The following NELL2 variants were observed in gnomAD, a reference collection of about 807,000 sequenced individuals.
NELL2 encodes the protein neural EGFL like 2, also known as protein kinase C-binding protein NELL2.
In NELL2, 41 loss-of-function variants were observed where a neutral mutation model predicts 109.6. That is an observed-to-expected ratio of 0.37 (90% CI 0.29 to 0.49). The LOEUF is 0.49. Among genes scored for constraint, NELL2 ranks in the 20% least tolerant of loss-of-function variants. The pLI, the probability that NELL2 is intolerant of heterozygous loss-of-function variation, is 0.98. For synonymous variants in NELL2, 355 were observed against 344.7 expected, an observed-to-expected ratio of 1.03 and a Z score of -0.33; for missense variants, 900 against 1,008.3, an observed-to-expected ratio of 0.89 and a Z score of 1.45.
intron 15 of NELL2, among the ~76,000 whole-genome samples, chr12:44,556,735 C>T (rs935073942): frequency 6.6e-6 from 1 of 152,140 alleles, no homozygotes; most frequent in Non-Finnish European, 1.5e-5. Context: ...TAACAGAGGT[C>T]CTGTACTCTG....
intron 16 of NELL2, among the ~76,000 whole-genome samples, chr12:44,531,147 C>T (rs543926066): frequency 6.6e-6 from 1 of 152,100 alleles, no homozygotes; most frequent in South Asian, 2.1e-4. Flanking sequence ...CATAGGTAAC[C>T]CCTAGAGGAT....
Position 44,787,770 on chromosome 12 carries a change from A to T in NELL2, c.336-7748T>A, listed in dbSNP as rs111739365. On this transcript the variant is annotated intron_variant, in intron 3 of 19. Transcript: ENST00000429094. The stretch of plus-strand genomic sequence containing the variant: ...TCCAAATGTTAAGGGAAAAAAAAAA[A>T]TTTTAACTTCAGTCTCACACTTCAT... 7.3e-3 allele frequency among the ~76,000 whole-genome samples: 1,083 copies of T among 148,294 alleles called. 18 individuals are homozygous for T. Among genetic ancestry groups the T allele is most frequent in the African/African-American group, 0.021 (856 of 40,314 alleles).
intron 2 of NELL2, among the ~76,000 whole-genome samples, chr12:44,842,499 A>G (rs1944258869): frequency 6.6e-6 from 1 of 152,244 alleles, no homozygotes; most frequent in South Asian, 2.1e-4. Context: ...TTCTAGAAGA[A>G]AGCACAGGAG....
At chr12:44,878,494 A>G (rs1472842647), upstream of NELL2, among the ~76,000 whole-genome samples, 1 of 152,092 alleles carries the variant, frequency 6.6e-6, no homozygotes, top group East Asian at 1.9e-4. Context: ...ATAATTCTTT[A>G]TTGGGGCTGT....
At chr12:44,713,209 C>G (rs61932409) in intron 10 of NELL2, among the ~76,000 whole-genome samples, 14 of 118,208 alleles carry the variant, frequency 1.2e-4, no homozygotes, top group African/African-American at 4.9e-4. Context: ...CACACACACA[C>G]ACACACAGAG....
At chr12:44,832,261 T>C (rs1943911984) in intron 2 of NELL2, among the ~76,000 whole-genome samples, 1 of 152,194 alleles carries the variant, frequency 6.6e-6, no homozygotes, top group South Asian at 2.1e-4. Flanking sequence ...AAAGAAATTC[T>C]TTATGTCTTT....
At chr12:44,717,248 T>C (rs978468524) in intron 9 of NELL2, among the ~76,000 whole-genome samples, 1 of 152,146 alleles carries the variant, frequency 6.6e-6, no homozygotes, top group Admixed American at 6.6e-5. Context: ...CTAAAAACAC[T>C]GCAAGGAATC....
intron 9 of NELL2, among the ~76,000 whole-genome samples, chr12:44,744,998 C>G (rs556118463): frequency 6.6e-6 from 1 of 151,904 alleles, no homozygotes; most frequent in Admixed American, 6.6e-5. Flanking sequence ...GAGACACAAC[C>G]AAAAAAGAGA....
intron 9 of NELL2, among the ~76,000 whole-genome samples, chr12:44,761,727 G>C (rs1941135168): frequency 6.6e-6 from 1 of 152,252 alleles, no homozygotes; most frequent in Admixed American, 6.5e-5. Flanking sequence ...ATCTTTTGAA[G>C]CAGCCATAGA....
chr12:44,559,969 CAAAG>C (rs1479651939), intron 15 of NELL2, among the ~76,000 whole-genome samples: 3 of 152,122 alleles, frequency 2.0e-5, no homozygotes, highest in African/African-American at 4.8e-5. Context: ...GAAATAATAA[CAAAG>C]AGTCTCTCAG....
At chr12:44,578,740 T>G (rs989805295) in intron 15 of NELL2, among the ~76,000 whole-genome samples, 3 of 152,182 alleles carry the variant, frequency 2.0e-5, no homozygotes, top group Non-Finnish European at 2.9e-5. Flanking sequence ...TGGAGAGTTT[T>G]TAACATCCAA....
chr12:44,588,164 C>T (rs993804818), intron 15 of NELL2, among the ~76,000 whole-genome samples: 2 of 144,204 alleles, frequency 1.4e-5, no homozygotes, highest in Admixed American at 1.4e-4. Flanking sequence ...GAGCAAGACT[C>T]CGTCTCAAAA....
At chr12:44,824,903 G>C (rs1226443822) in intron 2 of NELL2, among the ~76,000 whole-genome samples, 3 of 151,404 alleles carry the variant, frequency 2.0e-5, no homozygotes, top group African/African-American at 7.3e-5. Flanking sequence ...GTAGAGGCGG[G>C]GTTTCACCAT....
At chr12:44,756,803 C>T (rs1290975760) in intron 9 of NELL2, among the ~76,000 whole-genome samples, 8 of 152,042 alleles carry the variant, frequency 5.3e-5, no homozygotes, top group Admixed American at 4.6e-4. Context: ...GTAGGAGTAC[C>T]TCAAGGACTG....
intron 3 of NELL2, among the ~76,000 whole-genome samples, chr12:44,793,273 C>T (rs1942499108): frequency 6.6e-6 from 1 of 152,016 alleles, no homozygotes; most frequent in South Asian, 2.1e-4. Context: ...AACTTGTTTG[C>T]TTTTTTTATC....
rs1165130845 is a variant in NELL2 at position 44,711,386 on chromosome 12, G to T, written c.1095C>A (p.Thr365=). 1 of 1,611,788 alleles carries T rather than the reference G, an allele frequency of 6.2e-7. No homozygotes were observed. Among genetic ancestry groups the T allele is most frequent in the Non-Finnish European group, 8.5e-7 (1 of 1,178,336 alleles). The change falls in exon 11 of 20, where the codon ACC becomes ACA. Residue 365 remains threonine (T), a synonymous_variant. Coordinates refer to ENST00000429094, the MANE Select transcript of NELL2 (RefSeq NM_001145108.2). ...VCVLYECKDQ[T]MKLVESSGCP... ...AGCCTGAACTCTCAACAAGTTTCAT[G>T]GTCTGGTCCTGTTAGACAACAGAAA...
chr12:44,810,749 A>G (rs1943146802), intron 3 of NELL2, among the ~76,000 whole-genome samples: 1 of 151,830 alleles, frequency 6.6e-6, no homozygotes, highest in South Asian at 2.1e-4. Context: ...TGCCTTAATG[A>G]TAATAGTGGC....
intron 2 of NELL2, among the ~76,000 whole-genome samples, chr12:44,820,608 C>CA (rs11445797): frequency 0.87 from 116,031 of 133,640 alleles, 50,166 homozygotes; most frequent in South Asian, 0.93. Flanking sequence ...GACTCCGTCT[C>CA]AAAAAAAAAA....
At chr12:44,598,883 ACTCTCTCTCTCTCTCTCTCT>A (rs71459071) in intron 15 of NELL2, among the ~76,000 whole-genome samples, 2 of 143,936 alleles carry the variant, frequency 1.4e-5, no homozygotes, top group Non-Finnish European at 3.0e-5. Flanking sequence ...ACACACACAC[ACTCTCTCTCTCTCTCTCTCT>A]CTCTCTCACG....
Sources: gnomAD v4.1 joint callset for allele counts (sites outside exome capture counted in the v4.1 genomes callset) on GRCh38, gnomAD v4.1.1 for gene constraint, MANE v1.5 for transcripts, NCBI Gene and HGNC (gene_info 2026-07-23, HGNC 2026-07-21) for gene names.